TMEFF2: variants seen among roughly 807,000 people sequenced by gnomAD.
The protein encoded by TMEFF2 is transmembrane protein with EGF like and two follistatin like domains 2.
In TMEFF2, 28 loss-of-function variants were observed where a neutral mutation model predicts 53.8. The ratio of observed to expected loss-of-function variants is 0.52; its 90% confidence interval spans 0.39 to 0.71. TMEFF2 has a LOEUF of 0.71. Among genes scored for constraint, TMEFF2 ranks in the 30% least tolerant of loss-of-function variants. TMEFF2 has a pLI of 0.00. For missense variants in TMEFF2, 353 were observed against 455.2 expected (o/e 0.78, Z 2.04); for synonymous variants, 162 against 166.3 (o/e 0.97, Z 0.20).
At chr2:192,080,727 G>C (rs193165019) in intron 4 of TMEFF2, among the ~76,000 whole-genome samples, 2 of 152,090 alleles carry the variant, frequency 1.3e-5, no homozygotes, top group Non-Finnish European at 2.9e-5. Flanking sequence ...ACTATATAGA[G>C]TAATCTCTTT....
At chr2:192,122,728 A>C (rs1156331155) in intron 4 of TMEFF2, among the ~76,000 whole-genome samples, 2 of 152,140 alleles carry the variant, frequency 1.3e-5, no homozygotes, top group African/African-American at 2.4e-5. Context: ...ATGCAGGATA[A>C]CACTACATAT....
At chr2:191,964,365 T>TC in intron 7 of TMEFF2, among the ~76,000 whole-genome samples, 2 of 92,176 alleles carry the variant, frequency 2.2e-5, no homozygotes, top group Non-Finnish European at 4.2e-5. Flanking sequence ...TCTTTCTTTC[T>TC]TTCTTTCTCT....
intron 5 of TMEFF2, among the ~76,000 whole-genome samples, chr2:192,018,313 G>A (rs1159852508): frequency 6.6e-6 from 1 of 152,138 alleles, no homozygotes; most frequent in Non-Finnish European, 1.5e-5. Flanking sequence ...CAGAGTGAGA[G>A]GTAAAGGGCT....
chr2:192,131,460 AG>A (rs1689826677), intron 4 of TMEFF2, among the ~76,000 whole-genome samples: 1 of 151,790 alleles, frequency 6.6e-6, no homozygotes, highest in South Asian at 2.1e-4. Context: ...CTTCACCCTT[AG>A]TGGCAAGTCC....
chr2:192,024,694 CTTT>C (rs1346029325), intron 5 of TMEFF2, among the ~76,000 whole-genome samples: 1 of 152,104 alleles, frequency 6.6e-6, no homozygotes, highest in Non-Finnish European at 1.5e-5. Flanking sequence ...CAGAATTTTA[CTTT>C]TTTAAGCACT....
At chr2:192,110,547 ATTCT>A (rs1329780797) in intron 4 of TMEFF2, among the ~76,000 whole-genome samples, 1 of 152,142 alleles carries the variant, frequency 6.6e-6, no homozygotes, top group East Asian at 1.9e-4. Context: ...TCCTTACCCA[ATTCT>A]TTCTATTTCT....
At chr2:191,959,705 C>G (rs1191701252) in intron 7 of TMEFF2, among the ~76,000 whole-genome samples, 1 of 152,090 alleles carries the variant, frequency 6.6e-6, no homozygotes, top group African/African-American at 2.4e-5. Context: ...GATAATTAAT[C>G]TATCAAAGGA....
intron 4 of TMEFF2, among the ~76,000 whole-genome samples, chr2:192,076,482 G>A (rs560617866): frequency 3.9e-5 from 6 of 152,156 alleles, no homozygotes; most frequent in South Asian, 4.1e-4. Flanking sequence ...AATCTCTCTA[G>A]CGTCTTCATT....
In TMEFF2 at chr2:192,182,707, A is replaced by G. The variant is rs533335346; in HGVS notation, c.412+1647T>C. ...TGGCAATTCTCATGTGGCTATTGTT[A>G]GAAAAGAACAGATATCCTCCATGAT... On this transcript the variant is annotated intron_variant, in intron 3 of 9. Transcript: ENST00000272771. 3.3e-5 allele frequency among the ~76,000 whole-genome samples: 5 copies of G among 152,136 alleles called. 1 individual carries two copies. The East Asian group carries it at 5.8e-4, about 18-fold the overall frequency.
chr2:192,015,385 A>G (rs1049423320), intron 5 of TMEFF2, among the ~76,000 whole-genome samples: 1 of 146,464 alleles, frequency 6.8e-6, no homozygotes, highest in Admixed American at 7.2e-5. Context: ...CTCATTCCAA[A>G]CTTGGTCCAT....
At chr2:192,037,327 A>AAGAAAGAAAGAAAGAG (rs1687338147) in intron 5 of TMEFF2, among the ~76,000 whole-genome samples, 1 of 150,624 alleles carries the variant, frequency 6.6e-6, no homozygotes, top group Non-Finnish European at 1.5e-5. Flanking sequence ...GAAAGAAAGA[A>AAGAAAGAAAGAAAGAG]AGAAAGAAAA....
intron 4 of TMEFF2, among the ~76,000 whole-genome samples, chr2:192,063,606 T>C (rs891190560): frequency 6.6e-6 from 1 of 151,852 alleles, no homozygotes; most frequent in Admixed American, 6.6e-5. Context: ...TCCATAACTG[T>C]ACTGATTTTT....
chr2:192,163,478 A>C (rs1223467706), intron 4 of TMEFF2, among the ~76,000 whole-genome samples: 2 of 152,238 alleles, frequency 1.3e-5, no homozygotes, highest in Non-Finnish European at 2.9e-5. Context: ...GAAGCCATTT[A>C]AAGGCCAAAT....
At chr2:191,954,615 T>C (rs1692007816) in intron 8 of TMEFF2, among the ~76,000 whole-genome samples, 1 of 152,112 alleles carries the variant, frequency 6.6e-6, no homozygotes. Context: ...AGAATAAATG[T>C]TGAGAAATAT....
chr2:192,077,209 G>A (rs1040223235), intron 4 of TMEFF2, among the ~76,000 whole-genome samples: 8 of 152,068 alleles, frequency 5.3e-5, no homozygotes, highest in Non-Finnish European at 5.9e-5. Context: ...AGCTTCTCAG[G>A]CATTTATTAC....
chr2:192,146,235 G>GGCT (rs1690248317), intron 4 of TMEFF2, among the ~76,000 whole-genome samples: 1 of 151,860 alleles, frequency 6.6e-6, no homozygotes, highest in African/African-American at 2.4e-5. Context: ...TCAGAACATA[G>GGCT]GCTACTGGCC....
At chr2:192,037,641 GAA>G (rs1163744490) in intron 5 of TMEFF2, among the ~76,000 whole-genome samples, 304 of 22,662 alleles carry the variant, frequency 0.013, 3 homozygotes, top group African/African-American at 0.022. Flanking sequence ...GAAAGAGAGA[GAA>G]AGAGAGAGAG....
At chr2:192,111,044 C>A (rs1038013016) in intron 4 of TMEFF2, among the ~76,000 whole-genome samples, 1 of 152,298 alleles carries the variant, frequency 6.6e-6, no homozygotes, top group African/African-American at 2.4e-5. Context: ...CGTTAAATCT[C>A]TTTTCCTTTA....
chr2:192,194,449 G>A lies in TMEFF2; in HGVS notation c.76C>T (p.Pro26Ser). The A allele has an allele frequency of 6.2e-7, 1 of 1,613,718 alleles. No individual in the cohort carries two copies. Among genetic ancestry groups the A allele is most frequent in the Non-Finnish European group, 8.5e-7 (1 of 1,179,768 alleles). Reference protein sequence around the residue: ...CEGFCWLLLLPVMLLIVARPV... With the variant: ...CEGFCWLLLLSVMLLIVARPV... Reference sequence around the variant, plus strand: ...CGGGCTACGATGAGTAGCATGACGGGCAGCAGCAGCAGCCAGCAAAAGCCC... The same window carrying A: ...CGGGCTACGATGAGTAGCATGACGGACAGCAGCAGCAGCCAGCAAAAGCCC... The change falls in exon 1 of 10, where the codon CCC becomes TCC. Residue 26 changes from proline (P) to serine (S), a missense_variant. Pro to Ser is a moderately conservative substitution (Grantham distance 74). Around this residue, in one of 3 missense-constraint regions of TMEFF2, gnomAD observed 54 missense variants for 41.8 expected, o/e 1.29. Transcript: ENST00000272771. The surrounding 1 kb of genome is among the most constrained non-coding windows in gnomAD (Gnocchi z 4.2).
Sources: allele counts gnomAD v4.1 joint callset (sites outside exome capture counted in the v4.1 genomes callset), GRCh38; gene constraint gnomAD v4.1.1; regional missense constraint gnomAD v4.1.1; non-coding constraint Gnocchi (gnomAD v3.1); transcripts MANE v1.5; gene names NCBI Gene and HGNC (gene_info 2026-07-23, HGNC 2026-07-21).